SLC35D1: variants seen among roughly 807,000 people sequenced by gnomAD.
SLC35D1 encodes the protein solute carrier family 35 member D1.
In SLC35D1, 31 loss-of-function variants were observed where a neutral mutation model predicts 46.7. That is an observed-to-expected ratio of 0.66 (90% CI 0.50 to 0.90). The LOEUF is 0.90. Among genes scored for constraint, SLC35D1 ranks in the 40% least tolerant of loss-of-function variants. The pLI is 0.00. For missense variants in SLC35D1, 397 were observed against 426.2 expected (o/e 0.93, Z 0.60); for synonymous variants, 195 against 164.6 (o/e 1.18, Z -1.41).
At chr1:67,023,642 C>A (rs544211209) in intron 8 of SLC35D1, among the ~76,000 whole-genome samples, 1 of 152,000 alleles carries the variant, frequency 6.6e-6, no homozygotes, top group East Asian at 1.9e-4. Context: ...CATGCCACCA[C>A]ACCCGGCTAA....
intron 8 of SLC35D1, among the ~76,000 whole-genome samples, chr1:67,038,834 T>TACACACACACAC (rs112186155): frequency 0.06 from 7,784 of 130,600 alleles, 228 homozygotes; most frequent in Middle Eastern, 0.1. Flanking sequence ...TAAATATGTA[T>TACACACACACAC]ACACACACAC....
chr1:66,982,681 A>G, the SLC35D1 span, among the ~76,000 whole-genome samples: 1 of 152,234 alleles, frequency 6.6e-6, no homozygotes, highest in Non-Finnish European at 1.5e-5. Flanking sequence ...CTTCTTCCTG[A>G]CAGAAACTGG....
chr1:67,036,701 TC>T (rs1668130458), intron 8 of SLC35D1, among the ~76,000 whole-genome samples: 1 of 133,326 alleles, frequency 7.5e-6, no homozygotes. Flanking sequence ...AAGCAACAGA[TC>T]ACTGGGTCTT....
At chr1:67,039,995 A>ATTTT (rs11300562) in intron 8 of SLC35D1, among the ~76,000 whole-genome samples, 1 of 140,166 alleles carries the variant, frequency 7.1e-6, no homozygotes, top group Non-Finnish European at 1.6e-5. Context: ...TTACATCACA[A>ATTTT]TTTTTTTTTT....
downstream of SLC35D1, chr1:66,999,263 A>G (rs1667283046): frequency 6.6e-6 from 1 of 152,348 alleles, no homozygotes; most frequent in Admixed American, 6.5e-5. Context: ...ATAAAACAGT[A>G]TTTTCTACAT....
intron 11 of SLC35D1, 117 bp downstream of exon 11, chr1:67,008,968 C>T (rs1367301902): frequency 1.8e-6 from 1 of 558,706 alleles, no homozygotes; most frequent in African/African-American, 1.9e-5. Context: ...ATAGAAGGCA[C>T]TCCACATATG....
chr1:67,040,724 T>A (rs1668225081), intron 8 of SLC35D1, among the ~76,000 whole-genome samples: 1 of 152,216 alleles, frequency 6.6e-6, no homozygotes. Context: ...AACCTGCTCT[T>A]CCTTGACCTA....
chr1:66,989,036 G>A, the SLC35D1 span, among the ~76,000 whole-genome samples: 2 of 151,992 alleles, frequency 1.3e-5, no homozygotes, highest in African/African-American at 2.4e-5. Context: ...GTCAAACTTC[G>A]TATTTGCTGG....
intron 8 of SLC35D1, among the ~76,000 whole-genome samples, chr1:67,038,666 T>A (rs1378360259): frequency 6.6e-6 from 1 of 152,212 alleles, no homozygotes; most frequent in African/African-American, 2.4e-5. Context: ...GTTAACTAGG[T>A]ATCTTTTATT....
intron 7 of SLC35D1, among the ~76,000 whole-genome samples, chr1:67,044,373 G>A (rs897301494): frequency 6.7e-6 from 1 of 149,682 alleles, no homozygotes; most frequent in African/African-American, 2.4e-5. Flanking sequence ...TAGCTGATTA[G>A]ATGATTAGAC....
chr1:67,020,436 A>G lies in SLC35D1; in HGVS notation c.809T>C (p.Met270Thr). Residue 270 changes from methionine to threonine, a missense_variant, in exon 10 of 12, where the codon ATG becomes ACG. By Grantham distance (81) the Met-to-Thr change is moderately conservative. Transcript: ENST00000235345. The stretch of plus-strand genomic sequence containing the variant: ...CTGCGTGCAGAGTACTGTGGCGTAC[A>G]TTAAGATAAACCTAGAATGAAGAAA... ...TLSCVMGFIL[M>T]YATVLCTQYN... is the part of the protein sequence containing the mutation. The G allele has an allele frequency of 6.2e-7, 1 of 1,606,792 alleles. No homozygotes were observed. The highest frequency in any genetic ancestry group is 8.5e-7 in the Non-Finnish European group (1 of 1,173,426).
intron 10 of SLC35D1, among the ~76,000 whole-genome samples, chr1:67,015,669 G>A (rs143113754): frequency 4.4e-3 from 672 of 152,200 alleles, no homozygotes; most frequent in Non-Finnish European, 7.4e-3. Flanking sequence ...GATTACAGAC[G>A]TGAGCCACCA....
At chr1:67,005,208 C>G (rs796917250) in intron 11 of SLC35D1, among the ~76,000 whole-genome samples, 30 of 152,306 alleles carry the variant, frequency 2.0e-4, no homozygotes, top group African/African-American at 7.2e-4. Context: ...AGACTGCCAC[C>G]CAGGACTCCC....
At chr1:66,976,093 G>C in the SLC35D1 span, among the ~76,000 whole-genome samples, 1 of 151,574 alleles carries the variant, frequency 6.6e-6, no homozygotes, top group African/African-American at 2.4e-5. Context: ...CCCACCCCCT[G>C]CTGGGGTTCA....
chr1:67,026,203 T>C (rs1010532639), intron 8 of SLC35D1, among the ~76,000 whole-genome samples: 18 of 152,188 alleles, frequency 1.2e-4, no homozygotes, highest in African/African-American at 2.9e-4. Context: ...TCCTAGTTTA[T>C]TGAGAATTTT....
At chr1:67,023,482 TGCC>T (rs1480038153) in intron 8 of SLC35D1, among the ~76,000 whole-genome samples, 2 of 124,152 alleles carry the variant, frequency 1.6e-5, no homozygotes, top group African/African-American at 6.5e-5. Flanking sequence ...CTAAATCTTT[TGCC>T]ATTTTTTTTT....
At chr1:67,006,281 A>C (rs984647230) in intron 11 of SLC35D1, among the ~76,000 whole-genome samples, 1 of 152,134 alleles carries the variant, frequency 6.6e-6, no homozygotes, top group African/African-American at 2.4e-5. Flanking sequence ...TAGTCCCTCA[A>C]GTAGACTACT....
At chr1:66,976,569 T>TA in the SLC35D1 span, 2 of 1,527,962 alleles carry the variant, frequency 1.3e-6, no homozygotes, top group Non-Finnish European at 1.7e-6. Flanking sequence ...AGGAGATTCT[T>TA]AAAAGCAAGC....
At chr1:66,982,325 T>A in the SLC35D1 span, among the ~76,000 whole-genome samples, 1 of 152,192 alleles carries the variant, frequency 6.6e-6, no homozygotes, top group African/African-American at 2.4e-5. Context: ...CTGTTTTGAA[T>A]ATTTAAGTTC....
Sources: gnomAD v4.1 joint callset for allele counts (sites outside exome capture counted in the v4.1 genomes callset) on GRCh38, gnomAD v4.1.1 for gene constraint, MANE v1.5 for transcripts, NCBI Gene and HGNC (gene_info 2026-07-23, HGNC 2026-07-21) for gene names.